DZIP3: variants seen among roughly 807,000 people sequenced by gnomAD.
DZIP3 encodes the protein E3 ubiquitin-protein ligase DZIP3.
A neutral mutation model predicts 162.0 loss-of-function variants in DZIP3; 118 were observed. The ratio of observed to expected loss-of-function variants is 0.73; its 90% confidence interval spans 0.63 to 0.85. The LOEUF is 0.85. Among genes scored for constraint, DZIP3 ranks in the 40% least tolerant of loss-of-function variants. The probability of loss-of-function intolerance (pLI) is 0.00; values close to 1 mark genes in which losing one functional copy is unlikely to be tolerated. For missense variants in DZIP3, 1,331 were observed against 1,407.0 expected, an observed-to-expected ratio of 0.95 and a Z score of 0.86; for synonymous variants, 438 against 458.6, an observed-to-expected ratio of 0.96 and a Z score of 0.57.
chr3:108,663,243 C>T (rs1943522658), intron 21 of DZIP3, among the ~76,000 whole-genome samples: 2 of 152,092 alleles, frequency 1.3e-5, no homozygotes, highest in Admixed American at 1.3e-4. Context: ...ACAAACGAAG[C>T]TGGCTGCAAT....
In DZIP3 at chr3:108,674,058, T is replaced by G. The variant is rs761834472; in HGVS notation, c.2590-20T>G. ...CAAGCACACCTTCAACTTCTTTCTCTTTCTCTCAAAAACCTGTAGGTGTAT... is the reference window on the plus strand; with the variant it reads ...CAAGCACACCTTCAACTTCTTTCTCGTTCTCTCAAAAACCTGTAGGTGTAT... On this transcript the variant is annotated intron_variant, in intron 23 of 32. Coordinates refer to ENST00000361582, the MANE Select transcript of DZIP3 (RefSeq NM_014648.4). 1 of 1,575,174 alleles carries G rather than the reference T, an allele frequency of 6.3e-7. No individual in the cohort carries two copies. The highest frequency in any genetic ancestry group is 8.7e-7 in the Non-Finnish European group (1 of 1,147,032).
chr3:108,649,424 G>A (rs6767679), intron 17 of DZIP3, among the ~76,000 whole-genome samples: 28,513 of 151,550 alleles, frequency 0.19, 3,189 homozygotes, highest in East Asian at 0.45. Flanking sequence ...AACTTCTTGC[G>A]TTGCTGCTTC....
At chr3:108,658,064 A>C (rs1335949224) in intron 19 of DZIP3, among the ~76,000 whole-genome samples, 1 of 142,226 alleles carries the variant, frequency 7.0e-6, no homozygotes, top group Non-Finnish European at 1.6e-5. Context: ...CCCCACTGTC[A>C]ACATTAGACA....
At chr3:108,638,914 C>T (rs1231202469) in intron 12 of DZIP3, among the ~76,000 whole-genome samples, 1 of 152,220 alleles carries the variant, frequency 6.6e-6, no homozygotes, top group Non-Finnish European at 1.5e-5. Flanking sequence ...CACAGCTGAA[C>T]TCATTCGTGC....
At chr3:108,622,873 T>C (rs1238345457) in intron 5 of DZIP3, among the ~76,000 whole-genome samples, 1 of 132,334 alleles carries the variant, frequency 7.6e-6, no homozygotes, top group East Asian at 2.0e-4. Flanking sequence ...TCTCTCTCTC[T>C]CTCTCTCTGT....
chr3:108,605,311 A>G lies in DZIP3; in HGVS notation c.-72-24A>G, dbSNP rs559634548. ...GAAAGAGTGTAACTTTCCTATCTTC[A>G]TAAAAATATTATTTTCCTTACAGCA... is the stretch of plus-strand genomic sequence containing the variant. On this transcript the variant is annotated intron_variant, in intron 1 of 32. Coordinates refer to ENST00000361582, the MANE Select transcript of DZIP3 (RefSeq NM_014648.4). 115 of 1,510,676 alleles carry G rather than the reference A, an allele frequency of 7.6e-5. 1 individual carries two copies. The Middle Eastern group carries it at 8.6e-4, about 11-fold the overall frequency. The allele number at this position is 1,510,676 out of a possible 1,614,324, so 93.6% of individuals were successfully genotyped here. A position where few individuals can be genotyped will look rare whatever the true frequency, so the allele number is the denominator to read the frequency against.
chr3:108,622,141 T>G (rs564060589), intron 5 of DZIP3, among the ~76,000 whole-genome samples: 2 of 152,220 alleles, frequency 1.3e-5, no homozygotes, highest in East Asian at 1.9e-4. Context: ...AGACAAACTT[T>G]GCATGTTCTC....
At chr3:108,609,409 A>G (rs1940573093) in intron 3 of DZIP3, among the ~76,000 whole-genome samples, 2 of 152,220 alleles carry the variant, frequency 1.3e-5, no homozygotes, top group African/African-American at 4.8e-5. Context: ...GATCCAGAAA[A>G]GACATTTCTA....
chr3:108,645,832 T>C (rs548942400), intron 14 of DZIP3, among the ~76,000 whole-genome samples: 22 of 152,226 alleles, frequency 1.4e-4, no homozygotes, highest in Non-Finnish European at 2.8e-4. Context: ...GAGTTTGATA[T>C]ATAAGAAAGT....
chr3:108,608,569 C>T (rs1481258532), intron 3 of DZIP3, among the ~76,000 whole-genome samples: 1 of 152,054 alleles, frequency 6.6e-6, no homozygotes, highest in Non-Finnish European at 1.5e-5. Context: ...TGAAGTTAAA[C>T]TTATTCTTTA....
intron 7 of DZIP3, 100 bp downstream of exon 7, chr3:108,626,069 C>T: frequency 7.5e-7 from 1 of 1,335,238 alleles, no homozygotes; most frequent in Non-Finnish European, 1.0e-6. Context: ...GACATTTGTG[C>T]TCTACTGTTT....
chr3:108,609,531 C>A (rs1343698916), intron 3 of DZIP3, among the ~76,000 whole-genome samples: 1 of 152,208 alleles, frequency 6.6e-6, no homozygotes, highest in East Asian at 1.9e-4. Flanking sequence ...TATTTTTTGA[C>A]AACTAACTTA....
In DZIP3 at chr3:108,647,407, T is replaced by G. The variant is rs531700736; in HGVS notation, c.1793-536T>G. The stretch of plus-strand genomic sequence containing the variant: ...CACCACAGATTTGTTTGGGATAAAA[T>G]GCTGGACTCTCTGGAGACCAGTCAG... On this transcript the variant is annotated intron_variant, in intron 15 of 32. Coordinates refer to ENST00000361582, the MANE Select transcript of DZIP3 (RefSeq NM_014648.4). Among the ~76,000 whole-genome samples the G allele has an allele frequency of 2.1e-4, 32 of 152,238 alleles. 2 individuals carry two copies. In the East Asian group the frequency reaches 5.6e-3, roughly 27 times the overall value.
intron 4 of DZIP3, among the ~76,000 whole-genome samples, 174 bp downstream of exon 4, chr3:108,611,503 A>G (rs1940705813): frequency 6.6e-6 from 1 of 152,180 alleles, no homozygotes; most frequent in Non-Finnish European, 1.5e-5. Flanking sequence ...AAAAAGTTGA[A>G]CAAATAGAGT....
chr3:108,686,375 T>G, intron 27 of DZIP3, 70 bp from the exon 28 acceptor site: 1 of 1,394,468 alleles, frequency 7.2e-7, no homozygotes. Context: ...TTGTACCCAT[T>G]TTCTGAGGTA....
chr3:108,672,119 A>AATG (rs1386419807), intron 22 of DZIP3, among the ~76,000 whole-genome samples: 17 of 151,946 alleles, frequency 1.1e-4, no homozygotes, highest in African/African-American at 3.6e-4. Flanking sequence ...GGCCTTTTTC[A>AATG]AATGGGCATT....
At chr3:108,638,791 T>C (rs1942267974) in intron 12 of DZIP3, among the ~76,000 whole-genome samples, 1 of 152,222 alleles carries the variant, frequency 6.6e-6, no homozygotes, top group Non-Finnish European at 1.5e-5. Context: ...ATAGGACTTT[T>C]CTAACAAAAA....
At chr3:108,627,414 T>TG (rs1224291409) in intron 7 of DZIP3, among the ~76,000 whole-genome samples, 1 of 152,208 alleles carries the variant, frequency 6.6e-6, no homozygotes, top group Non-Finnish European at 1.5e-5. Context: ...TATTAATGAA[T>TG]GGGGTATCCT....
At chr3:108,603,771 G>A (rs911237698) in intron 1 of DZIP3, among the ~76,000 whole-genome samples, 1 of 152,152 alleles carries the variant, frequency 6.6e-6, no homozygotes, top group Non-Finnish European at 1.5e-5. Context: ...TAGAGTTGGT[G>A]TGAGTCAGAT....
Sources: gnomAD v4.1 joint callset for allele counts (sites outside exome capture counted in the v4.1 genomes callset) on GRCh38, gnomAD v4.1.1 for gene constraint, MANE v1.5 for transcripts, NCBI Gene and HGNC (gene_info 2026-07-23, HGNC 2026-07-21) for gene names.